The following MGAT4C variants were observed in gnomAD, a reference collection of about 807,000 sequenced individuals.
MGAT4C encodes alpha-1,3-mannosyl-glycoprotein 4-beta-N-acetylglucosaminyltransferase C.
MGAT4C carries 19 observed loss-of-function variants against 40.1 expected under a neutral mutation model. The observed-to-expected ratio is 0.47, with a 90% confidence interval of 0.33 to 0.70. The LOEUF is 0.70. Among genes scored for constraint, MGAT4C ranks in the 30% least tolerant of loss-of-function variants. The pLI is 0.02. For missense variants in MGAT4C, 491 were observed against 563.2 expected, an observed-to-expected ratio of 0.87 and a Z score of 1.30; for synonymous variants, 181 against 187.1, an observed-to-expected ratio of 0.97 and a Z score of 0.27.
intron 1 of MGAT4C, among the ~76,000 whole-genome samples, chr12:86,803,443 C>A (rs960200541): frequency 6.6e-6 from 1 of 151,940 alleles, no homozygotes; most frequent in Non-Finnish European, 1.5e-5. Context: ...AGAGCTTCTG[C>A]ACAGCAAAAG....
chr12:86,591,430 G>A (rs1961326316), intron 2 of MGAT4C, among the ~76,000 whole-genome samples: 1 of 151,940 alleles, frequency 6.6e-6, no homozygotes, highest in African/African-American at 2.4e-5. Context: ...CTGCCATATT[G>A]AATAAAATAC....
chr12:86,449,658 T>C (rs894609328), intron 2 of MGAT4C, among the ~76,000 whole-genome samples: 3 of 152,210 alleles, frequency 2.0e-5, no homozygotes, highest in Admixed American at 6.5e-5. Flanking sequence ...GAAATTTTTA[T>C]AGATGTAATA....
chr12:86,284,185 C>T (rs1259034481), intron 4 of MGAT4C, among the ~76,000 whole-genome samples: 2 of 151,916 alleles, frequency 1.3e-5, no homozygotes, highest in African/African-American at 2.4e-5. Flanking sequence ...CAGGTTGTCT[C>T]ATTTAAAAAC....
intron 4 of MGAT4C, among the ~76,000 whole-genome samples, chr12:86,330,085 A>G (rs1954626220): frequency 6.6e-6 from 1 of 152,212 alleles, no homozygotes; most frequent in African/African-American, 2.4e-5. Flanking sequence ...TTTTAAGCTG[A>G]AGGAAATTAA....
chr12:86,837,955 T>C (rs1418336268), intron 1 of MGAT4C, among the ~76,000 whole-genome samples: 1 of 152,222 alleles, frequency 6.6e-6, no homozygotes, highest in South Asian at 2.1e-4. Flanking sequence ...TTTTTCAGTT[T>C]TTAGCATTTT....
At chr12:86,045,542 C>G (rs1331473558) in intron 2 of MGAT4C, among the ~76,000 whole-genome samples, 1 of 152,158 alleles carries the variant, frequency 6.6e-6, no homozygotes, top group Non-Finnish European at 1.5e-5. Flanking sequence ...TAAGCATTTT[C>G]CATTCTGTTA....
At position 86,750,300 on chromosome 12, in the gene MGAT4C, A is replaced by C. The variant is rs868540967; in HGVS notation, c.-261-23059T>G. On this transcript the variant is annotated intron_variant, in intron 1 of 7. Coordinates refer to the MGAT4C transcript ENST00000548651. The stretch of plus-strand genomic sequence containing the variant: ...TATCAGAAAAGTCCCTACATAGATG[A>C]GGCTGAATTCAGCCTGAAGACATGT... Among the ~76,000 whole-genome samples the C allele has an allele frequency of 6.1e-4, 92 of 152,048 alleles. 1 individual carries two copies. Among genetic ancestry groups the C allele is most frequent in the African/African-American group, 2.1e-3 (89 of 41,532 alleles).
At chr12:86,335,340 A>G (rs918526019) in intron 3 of MGAT4C, among the ~76,000 whole-genome samples, 1 of 152,134 alleles carries the variant, frequency 6.6e-6, no homozygotes, top group Non-Finnish European at 1.5e-5. Context: ...ACAACCCAGT[A>G]AAGTCTTTCT....
chr12:86,717,994 TTCA>T (rs1950674304), intron 2 of MGAT4C, among the ~76,000 whole-genome samples: 1 of 152,174 alleles, frequency 6.6e-6, no homozygotes, highest in Admixed American at 6.6e-5. Flanking sequence ...CAGGAGGAAT[TTCA>T]TCCCCAGAAG....
At position 86,255,949 on chromosome 12, in the gene MGAT4C, T is replaced by C. The variant is rs138181144; in HGVS notation, c.-57+290A>G. 3.0e-3 allele frequency among the ~76,000 whole-genome samples: 454 copies of C among 152,264 alleles called. 2 individuals carry two copies. The highest frequency in any genetic ancestry group is 0.01 in the African/African-American group (433 of 41,556). ...TGATATACATACACATATACAGTTT[T>C]AAAAACACATTCAAAATTGTGGTCT... On this transcript the variant is annotated intron_variant, in intron 1 of 4. Coordinates refer to ENST00000611864, the MANE Select transcript of MGAT4C (RefSeq NM_001351288.2).
At chr12:86,344,065 A>G (rs559027045) in intron 3 of MGAT4C, among the ~76,000 whole-genome samples, 11 of 152,172 alleles carry the variant, frequency 7.2e-5, no homozygotes, top group Non-Finnish European at 1.5e-4. Context: ...AAATTGCCAG[A>G]ATAAAGTAAG....
chr12:86,352,827 T>C (rs142419737), intron 3 of MGAT4C, among the ~76,000 whole-genome samples: 9,499 of 132,872 alleles, frequency 0.071, 736 homozygotes, highest in East Asian at 0.26. Flanking sequence ...TGAGAACACA[T>C]GGACACAGGA....
chr12:86,628,028 AAAC>A (rs1347105565), intron 2 of MGAT4C, among the ~76,000 whole-genome samples: 2 of 152,204 alleles, frequency 1.3e-5, no homozygotes, highest in African/African-American at 4.8e-5. Context: ...AAACTAGAAT[AAAC>A]AGTGTAGAGA....
intron 2 of MGAT4C, among the ~76,000 whole-genome samples, chr12:86,031,391 T>C (rs1301923639): frequency 1.3e-5 from 2 of 151,892 alleles, no homozygotes; most frequent in Non-Finnish European, 2.9e-5. Context: ...TGACCTTTTA[T>C]AGTGGTATTT....
At chr12:86,303,642 C>A (rs1192408890) in intron 4 of MGAT4C, among the ~76,000 whole-genome samples, 2 of 149,512 alleles carry the variant, frequency 1.3e-5, no homozygotes, top group Non-Finnish European at 2.9e-5. Flanking sequence ...AGCTATGTAA[C>A]CTTAAATAAT....
chr12:86,127,627 T>C (rs912630297), intron 1 of MGAT4C, among the ~76,000 whole-genome samples: 25 of 152,324 alleles, frequency 1.6e-4, no homozygotes, highest in Non-Finnish European at 1.6e-4. Context: ...AACCACATTA[T>C]GCAGCTTTAC....
At chr12:86,704,413 A>C (rs1950420724) in intron 2 of MGAT4C, among the ~76,000 whole-genome samples, 1 of 152,120 alleles carries the variant, frequency 6.6e-6, no homozygotes, top group Admixed American at 6.6e-5. Context: ...TACGATGGAA[A>C]AAAAAACATA....
chr12:86,788,662 C>T (rs992768068), intron 1 of MGAT4C, among the ~76,000 whole-genome samples: 5 of 152,090 alleles, frequency 3.3e-5, no homozygotes, highest in East Asian at 1.9e-4. Flanking sequence ...GACATTTTCA[C>T]ATAGGTGTTA....
chr12:86,567,014 G>GGATTAATACAA (rs1202239130), intron 2 of MGAT4C, among the ~76,000 whole-genome samples: 1 of 151,950 alleles, frequency 6.6e-6, no homozygotes, highest in African/African-American at 2.4e-5. Flanking sequence ...TGAAGCAGCT[G>GGATTAATACAA]GATTAATACA....
Sources: gnomAD v4.1 joint callset for allele counts (sites outside exome capture counted in the v4.1 genomes callset) on GRCh38, gnomAD v4.1.1 for gene constraint, MANE v1.5 for transcripts, NCBI Gene and HGNC (gene_info 2026-07-23, HGNC 2026-07-21) for gene names.